Variants in PARP1 observed in about 807,000 individuals in gnomAD.
The protein encoded by PARP1 is poly(ADP-ribose) polymerase 1.
In PARP1, 44 loss-of-function variants were observed where a neutral mutation model predicts 118.7. The observed-to-expected ratio is 0.37, with a 90% CI of 0.29 to 0.48. The LOEUF (loss-of-function observed/expected upper bound fraction) is 0.48. PARP1 is among the 20% of genes least tolerant of loss of function. The probability of loss-of-function intolerance (pLI) is 0.99; values close to 1 mark genes in which losing one functional copy is unlikely to be tolerated. For synonymous variants in PARP1, 492 were observed against 483.2 expected (o/e 1.02, Z -0.24); for missense variants, 1,100 against 1,272.4 (o/e 0.86, Z 2.06).
chr1:226,387,134 C>T (rs181586232), intron 5 of PARP1, among the ~76,000 whole-genome samples: 3 of 152,206 alleles, frequency 2.0e-5, no homozygotes, highest in Admixed American at 2.0e-4. Flanking sequence ...AGGTGTGCAC[C>T]ACCACGCCCA....
chr1:226,383,429 A>T (rs1049123545), intron 7 of PARP1, among the ~76,000 whole-genome samples: 14 of 152,274 alleles, frequency 9.2e-5, no homozygotes, highest in African/African-American at 3.4e-4. Flanking sequence ...TTAAGAGAAA[A>T]ATCTTTCCCT....
intron 13 of PARP1, 45 bp from the exon 14 acceptor site, chr1:226,374,399 C>T: frequency 1.9e-6 from 3 of 1,613,474 alleles, no homozygotes; most frequent in South Asian, 1.1e-5. Flanking sequence ...ATCAACAACT[C>T]AAGCAAGGTA....
At chr1:226,364,138 T>C (rs1664205770) in intron 19 of PARP1, 68 bp from the exon 20 acceptor site, 2 of 1,549,964 alleles carry the variant, frequency 1.3e-6, no homozygotes, top group South Asian at 1.1e-5. Context: ...GTTCACTGAG[T>C]GCCAACTTGA....
intron 6 of PARP1, 54 bp downstream of exon 6, chr1:226,386,272 C>T (rs934864107): frequency 1.9e-6 from 2 of 1,067,226 alleles, no homozygotes; most frequent in South Asian, 2.5e-5. Context: ...AGTCACTCCA[C>T]AACGACGGGG....
At chr1:226,391,000 C>CT (rs33944799) in intron 3 of PARP1, among the ~76,000 whole-genome samples, 1,590 of 130,178 alleles carry the variant, frequency 0.012, 22 homozygotes, top group Admixed American at 0.017. Flanking sequence ...CAATGCAGCA[C>CT]TTTTTTTTTT....
chr1:226,370,013 C>G lies in PARP1; in HGVS notation c.2154+421G>C, dbSNP rs145262980. On this transcript the variant is annotated intron_variant, in intron 15 of 22. Coordinates refer to ENST00000366794, the MANE Select transcript of PARP1 (RefSeq NM_001618.4). ...AAAAAAAAAAAAAAATCTCAGGATG[C>G]GAGACCCACAGATGTGCAGGGCCAA... Among the ~76,000 whole-genome samples, 329 of 148,818 alleles carry G rather than the reference C, an allele frequency of 2.2e-3. 1 individual carries two copies. The highest frequency in any genetic ancestry group is 7.5e-3 in the African/African-American group (303 of 40,358).
intron 20 of PARP1, among the ~76,000 whole-genome samples, chr1:226,363,506 A>C (rs918216684): frequency 6.6e-6 from 1 of 152,230 alleles, no homozygotes; most frequent in African/African-American, 2.4e-5. Flanking sequence ...TACAGTTCAC[A>C]GGACTAGGGT....
chr1:226,366,134 A>G, intron 17 of PARP1, 82 bp from the exon 18 acceptor site: 1 of 893,684 alleles, frequency 1.1e-6, no homozygotes, highest in South Asian at 1.3e-5. Flanking sequence ...CAGTCAATGC[A>G]TAGCTCAACA....
chr1:226,378,416 A>AAG (rs1664536754), intron 12 of PARP1, among the ~76,000 whole-genome samples: 1 of 152,090 alleles, frequency 6.6e-6, no homozygotes, highest in Non-Finnish European at 1.5e-5. Flanking sequence ...TAAAAAAAAA[A>AAG]AAAGGCAAAT....
chr1:226,395,015 T>C (rs889301175), intron 2 of PARP1, among the ~76,000 whole-genome samples: 3 of 152,012 alleles, frequency 2.0e-5, no homozygotes, highest in South Asian at 2.1e-4. Context: ...GAAGAGTAAA[T>C]ATCAAGTTGT....
chr1:226,362,975 A>G (rs1664180920), intron 21 of PARP1, 124 bp downstream of exon 21: 1 of 762,508 alleles, frequency 1.3e-6, no homozygotes, highest in South Asian at 1.4e-5. Flanking sequence ...CCTCGAAAAG[A>G]TAAAATGAAT....
At chr1:226,379,863 A>G in intron 10 of PARP1, 59 bp downstream of exon 10, 6 of 1,611,490 alleles carry the variant, frequency 3.7e-6, no homozygotes, top group Non-Finnish European at 5.1e-6. Context: ...CGTGGACAAC[A>G]ACCTGGCCAC....
chr1:226,404,068 G>A (rs908293037), intron 1 of PARP1, among the ~76,000 whole-genome samples: 1 of 152,148 alleles, frequency 6.6e-6, no homozygotes, highest in Admixed American at 6.5e-5. Flanking sequence ...GCCCTGTTCA[G>A]AGCACTCCCT....
chr1:226,365,730 G>A (rs1664246551), intron 18 of PARP1, among the ~76,000 whole-genome samples: 1 of 150,442 alleles, frequency 6.6e-6, no homozygotes, highest in Admixed American at 6.6e-5. Context: ...TTGCACCACT[G>A]CACTCCAGCC....
chr1:226,402,911 A>T (rs906337138), intron 1 of PARP1, among the ~76,000 whole-genome samples: 8 of 152,252 alleles, frequency 5.3e-5, no homozygotes, highest in Non-Finnish European at 1.0e-4. Context: ...TAATGAGCAA[A>T]GCAGAGAAAG....
intron 2 of PARP1, among the ~76,000 whole-genome samples, chr1:226,394,540 C>T (rs1664877794): frequency 6.6e-6 from 1 of 152,322 alleles, no homozygotes; most frequent in South Asian, 2.1e-4. Flanking sequence ...AAAGAAATAA[C>T]TGTACAGGTG....
intron 2 of PARP1, among the ~76,000 whole-genome samples, chr1:226,400,923 T>C (rs1665023763): frequency 6.6e-6 from 1 of 152,232 alleles, no homozygotes; most frequent in Non-Finnish European, 1.5e-5. Context: ...CCATTGGCTG[T>C]TTCTCATGAA....
At chr1:226,371,842 T>G (rs1032465989) in intron 14 of PARP1, among the ~76,000 whole-genome samples, 1 of 148,598 alleles carries the variant, frequency 6.7e-6, no homozygotes, top group Non-Finnish European at 1.5e-5. Flanking sequence ...TTTCCCTAAT[T>G]GTACACCCCT....
At chr1:226,401,234 C>T (rs894731119) in intron 2 of PARP1, among the ~76,000 whole-genome samples, 1 of 152,152 alleles carries the variant, frequency 6.6e-6, no homozygotes, top group Non-Finnish European at 1.5e-5. Context: ...TTGGCCTGGG[C>T]GGGTCCTTGG....
Sources: gnomAD v4.1 joint callset for allele counts (sites outside exome capture counted in the v4.1 genomes callset) on GRCh38, gnomAD v4.1.1 for gene constraint, MANE v1.5 for transcripts, NCBI Gene and HGNC (gene_info 2026-07-23, HGNC 2026-07-21) for gene names.